Variants in AP1M2 observed in about 807,000 individuals in gnomAD.
AP1M2 encodes the protein adaptor related protein complex 1 subunit mu 2, also known as AP-1 complex subunit mu-2.
AP1M2 carries 41 observed loss-of-function variants against 54.6 expected under a neutral mutation model. The ratio of observed to expected loss-of-function variants is 0.75; its 90% CI spans 0.59 to 0.97. The LOEUF (loss-of-function observed/expected upper bound fraction) is 0.97, where lower values mean the gene tolerates loss of function less well. AP1M2 is among the 50% of genes least tolerant of loss of function. The pLI is 0.00. For synonymous variants in AP1M2, 219 were observed against 215.9 expected (o/e 1.01, Z -0.13); for missense variants, 507 against 561.2 (o/e 0.90, Z 0.98).
intron 11 of AP1M2, 150 bp from the exon 12 acceptor site, chr19:10,573,238 G>GTGAA: frequency 1.5e-6 from 1 of 682,308 alleles, no homozygotes; most frequent in Non-Finnish European, 2.6e-6. Context: ...GGCCAACATG[G>GTGAA]TGAAACCCCA....
chr19:10,585,353 A>AAGAAAGAT (rs1568434915), intron 1 of AP1M2, among the ~76,000 whole-genome samples: 3 of 151,752 alleles, frequency 2.0e-5, no homozygotes, highest in East Asian at 1.9e-4. Flanking sequence ...GAAAGAAAGA[A>AAGAAAGAT]AGATGACAGT....
chr19:10,579,771 G>T lies in AP1M2; in HGVS notation c.761C>A (p.Ser254Tyr), dbSNP rs1917372147. 1 of 1,614,014 alleles carries T rather than the reference G, an allele frequency of 6.2e-7. No individual in the cohort carries two copies. Among genetic ancestry groups the T allele is most frequent in the African/African-American group, 1.3e-5 (1 of 75,054 alleles). The change falls in exon 7 of 12, where the codon TCC (serine) becomes TAC (tyrosine). Residue 254 changes from serine to tyrosine, a missense_variant. Transcript: ENST00000250244. Reference sequence around the variant, plus strand: ...AAAGTCACCATCAGGCGGGATGAAGGAGATGGTGCGGTCGTTGTCAAAGCG... The same window carrying T: ...AAAGTCACCATCAGGCGGGATGAAGTAGATGGTGCGGTCGTTGTCAAAGCG... The part of the protein sequence containing the change: ...LSRFDNDRTI[S>Y]FIPPDGDFEL...
At chr19:10,573,126 G>C in intron 11 of AP1M2, 38 bp from the exon 12 acceptor site, 1 of 1,545,852 alleles carries the variant, frequency 6.5e-7, no homozygotes, top group Non-Finnish European at 8.8e-7. Context: ...TCTCAGAAAT[G>C]GGGAGAGGGG....
At chr19:10,586,283 GAA>G (rs34958500) in intron 1 of AP1M2, among the ~76,000 whole-genome samples, 37 of 125,898 alleles carry the variant, frequency 2.9e-4, no homozygotes, top group South Asian at 1.5e-3. Context: ...ACTCTGTCTT[GAA>G]AAAAAAAAAA....
intron 1 of AP1M2, among the ~76,000 whole-genome samples, chr19:10,585,427 G>A (rs980971283): frequency 1.3e-5 from 2 of 152,106 alleles, no homozygotes; most frequent in Admixed American, 6.6e-5. Context: ...GTCTGGACAC[G>A]GTGGCTCACG....
intron 1 of AP1M2, among the ~76,000 whole-genome samples, chr19:10,585,566 G>A (rs903812467): frequency 2.0e-5 from 3 of 151,896 alleles, no homozygotes; most frequent in African/African-American, 7.3e-5. Flanking sequence ...GTGTGCTGGC[G>A]CATGACCGTA....
intron 9 of AP1M2, 148 bp from the exon 10 acceptor site, chr19:10,575,177 T>G: frequency 7.2e-5 from 61 of 843,822 alleles, no homozygotes; most frequent in Non-Finnish European, 7.8e-5. Context: ...CATATTGAGA[T>G]ACCATGTCTA....
intron 9 of AP1M2, among the ~76,000 whole-genome samples, chr19:10,576,053 C>A (rs1050292335): frequency 1.3e-5 from 2 of 149,340 alleles, no homozygotes; most frequent in Admixed American, 1.3e-4. Flanking sequence ...GAATTACAGG[C>A]GTGAGCCACT....
chr19:10,573,650 CTTTT>C (rs1012585725), intron 11 of AP1M2, among the ~76,000 whole-genome samples: 1 of 136,538 alleles, frequency 7.3e-6, no homozygotes, highest in East Asian at 2.3e-4. Context: ...ACTGTCCCTG[CTTTT>C]TTTTCCTTTT....
Position 10,581,478 on chromosome 19 carries a change from CA to C in AP1M2, c.546+8del. ...GTGGAAGGGGTGCCGGGGAGGTGTGCAGGCTCACCAGCAGGTTGACAGACTC... is the reference window on the plus strand; with the variant it reads ...GTGGAAGGGGTGCCGGGGAGGTGTGCGGCTCACCAGCAGGTTGACAGACTC... On this transcript the variant is annotated splice_region_variant and intron_variant, in intron 5 of 11. Coordinates refer to ENST00000250244, the MANE Select transcript of AP1M2 (RefSeq NM_005498.5). 6.2e-7 allele frequency: 1 copy of C among 1,613,502 alleles called. No individual in the cohort carries two copies. Among genetic ancestry groups the C allele is most frequent in the African/African-American group, 1.3e-5 (1 of 75,050 alleles).
intron 9 of AP1M2, 52 bp downstream of exon 9, chr19:10,577,146 A>G: frequency 6.4e-7 from 1 of 1,556,230 alleles, no homozygotes; most frequent in South Asian, 1.2e-5. Context: ...CAGCCCCCAC[A>G]CTACTCCAGT....
chr19:10,586,026 G>A (rs979502629), intron 1 of AP1M2, among the ~76,000 whole-genome samples: 13 of 151,896 alleles, frequency 8.6e-5, no homozygotes, highest in Non-Finnish European at 1.8e-4. Context: ...GCTCATGTCT[G>A]TAATCCCAGC....
In AP1M2 at chr19:10,574,450, G is replaced by A. The variant is rs1296409795; in HGVS notation, c.1216C>T (p.Leu406=). ...KIIEKSGYQA[L]PWVRYITQSG... is the part of the protein sequence containing the mutation. ...TGGGTGATGTAGCGAACCCAGGGCA[G>A]GGCCTGGTAACCACTTTTCTCAATG... is the stretch of plus-strand genomic sequence containing the variant. The change falls in exon 11 of 12, where the codon CTG becomes TTG. Residue 406 remains leucine, a synonymous_variant. Transcript: ENST00000250244. The A allele has an allele frequency of 6.4e-7, 1 of 1,563,560 alleles. No individual in the cohort carries two copies. Among genetic ancestry groups the A allele is most frequent in the Non-Finnish European group, 8.7e-7 (1 of 1,154,192 alleles).
Position 10,582,721 on chromosome 19 carries a change from C to T in AP1M2, c.268-843G>A, listed in dbSNP as rs182358537. 3.3e-5 allele frequency among the ~76,000 whole-genome samples: 5 copies of T among 151,668 alleles called. No homozygotes were observed. The East Asian group carries it at 9.8e-4, about 30-fold the overall frequency. On this transcript the variant is annotated intron_variant, in intron 3 of 11. Transcript: ENST00000250244. The stretch of plus-strand genomic sequence containing the variant: ...TGAGATTGTGCCACTGCACTCCAGC[C>T]TGGGCAACAAAGTGAGACCCTGTCT...
Position 10,574,760 on chromosome 19 carries a change from G to C in AP1M2, c.1173+144C>G, listed in dbSNP as rs532383129. 16 of 1,189,616 alleles carry C rather than the reference G, an allele frequency of 1.3e-5. No homozygotes were observed. In the Admixed American group the frequency reaches 4.0e-4, roughly 30 times the overall value. 73.7% of individuals were successfully genotyped at this position (1,189,616 alleles called of 1,614,324 possible). A position where few individuals can be genotyped will look rare whatever the true frequency, so the allele number is the denominator to read the frequency against. ...GAGCACAGGCTGTGGGCAGATAAAGGTAACATTGCTCTGGGAAAGACCAGG... is the reference window on the plus strand; with the variant it reads ...GAGCACAGGCTGTGGGCAGATAAAGCTAACATTGCTCTGGGAAAGACCAGG... On this transcript the variant is annotated intron_variant, in intron 10 of 11. Coordinates refer to ENST00000250244, the MANE Select transcript of AP1M2 (RefSeq NM_005498.5).
chr19:10,578,975 A>G lies in AP1M2; in HGVS notation c.817-12T>C, dbSNP rs746025047. On this transcript the variant is annotated splice_polypyrimidine_tract_variant and intron_variant, in intron 7 of 11. Coordinates refer to ENST00000250244, the MANE Select transcript of AP1M2 (RefSeq NM_005498.5). ...ATCAGTGGCTTGACCTGTGGGAAGA[A>G]GAAGGGGAGAGTTCTTGGAGACTCC... is the stretch of plus-strand genomic sequence containing the variant. 3.2e-6 allele frequency: 5 copies of G among 1,586,958 alleles called. No homozygotes were observed. The highest frequency in any genetic ancestry group is 4.3e-6 in the Non-Finnish European group (5 of 1,164,074).
chr19:10,575,984 A>G (rs1917218391), intron 9 of AP1M2, among the ~76,000 whole-genome samples: 1 of 148,590 alleles, frequency 6.7e-6, no homozygotes, highest in African/African-American at 2.5e-5. Context: ...AGTGTTAGCC[A>G]GGATGGTCTC....
chr19:10,584,040 C>T lies in AP1M2; in HGVS notation c.73G>A (p.Val25Met), dbSNP rs1320068039. The change falls in exon 2 of 12, where the codon GTG (valine) becomes ATG (methionine). Residue 25 changes from valine (V) to methionine (M), a missense_variant. By Grantham distance (21) the Val-to-Met change is conservative. Coordinates refer to ENST00000250244, the MANE Select transcript of AP1M2 (RefSeq NM_005498.5). ...AAGTGCTCAATCTTGCTCATGGCCA[C>T]ATCGCCCTTGTAGTTGCGGCTGATC... The part of the protein sequence containing the change: ...PLISRNYKGD[V>M]AMSKIEHFMP... The T allele has an allele frequency of 1.2e-6, 2 of 1,611,050 alleles. No individual in the cohort carries two copies. Among genetic ancestry groups the T allele is most frequent in the Admixed American group, 1.7e-5 (1 of 59,520 alleles).
At chr19:10,574,156 A>C (rs974392745) in intron 11 of AP1M2, among the ~76,000 whole-genome samples, 7 of 152,028 alleles carry the variant, frequency 4.6e-5, no homozygotes, top group Non-Finnish European at 7.4e-5. Context: ...AGTAGCTTGG[A>C]TTATAGGCAT....
Sources: gnomAD v4.1 joint callset for allele counts (sites outside exome capture counted in the v4.1 genomes callset) on GRCh38, gnomAD v4.1.1 for gene constraint, MANE v1.5 for transcripts, NCBI Gene and HGNC (gene_info 2026-07-23, HGNC 2026-07-21) for gene names.